The following CAST variants were observed in gnomAD, a reference collection of about 807,000 sequenced individuals.
CAST encodes MIR583 host.
A neutral mutation model predicts 119.6 loss-of-function variants in CAST; 76 were observed. The observed-to-expected ratio is 0.64, with a 90% CI of 0.53 to 0.77. The LOEUF (loss-of-function observed/expected upper bound fraction) is 0.77. Ranked by LOEUF, CAST falls within the 30% of genes least tolerant of loss-of-function variation. The pLI is 0.00. For missense variants in CAST, 953 were observed against 946.5 expected, an observed-to-expected ratio of 1.01 and a Z score of -0.09; for synonymous variants, 319 against 331.6, an observed-to-expected ratio of 0.96 and a Z score of 0.41.
chr5:95,971,996 G>C, the CAST span, among the ~76,000 whole-genome samples: 1 of 141,986 alleles, frequency 7.0e-6, no homozygotes, highest in Admixed American at 7.2e-5. Context: ...TCCCCCTGCT[G>C]TTACCCAGGC....
At chr5:96,219,733 A>C in the CAST span, among the ~76,000 whole-genome samples, 1 of 151,742 alleles carries the variant, frequency 6.6e-6, no homozygotes. Context: ...GAAAGCAAGA[A>C]AGGGAAGGAA....
chr5:96,373,285 C>T, the CAST span, among the ~76,000 whole-genome samples: 2 of 152,152 alleles, frequency 1.3e-5, no homozygotes, highest in African/African-American at 4.8e-5. Flanking sequence ...TGACAGAGGG[C>T]ACCAAGGGAT....
At position 96,774,293 on chromosome 5, in the gene CAST, A is replaced by C. The variant is rs1773520018; in HGVS notation, c.*1677A>C. The C allele has an allele frequency of 6.1e-6, 1 of 162,646 alleles. No individual in the cohort carries two copies. Among genetic ancestry groups the C allele is most frequent in the Non-Finnish European group, 1.3e-5 (1 of 76,390 alleles). 10.1% of individuals were successfully genotyped at this position (162,646 alleles called of 1,614,324 possible). A position where few individuals can be genotyped will look rare whatever the true frequency, so the allele number is the denominator to read the frequency against. ...TTTAAATGGCATACCAAAATCCAGA[A>C]GTTTAAAGATGCCTATAAAAGTAAA... On this transcript the variant is annotated 3_prime_UTR_variant, in exon 32 of 32. Transcript: ENST00000675179.
chr5:96,108,308 TAG>T, the CAST span, among the ~76,000 whole-genome samples: 2 of 152,244 alleles, frequency 1.3e-5, no homozygotes, highest in East Asian at 1.9e-4. Flanking sequence ...CTCTGCTTTT[TAG>T]AGTTTCCAGT....
the CAST span, among the ~76,000 whole-genome samples, chr5:96,470,286 C>G: frequency 2.6e-5 from 4 of 151,456 alleles, no homozygotes; most frequent in Admixed American, 1.3e-4. Flanking sequence ...TCTTTTATAT[C>G]GAAAAATATA....
rs1306579846 is a variant in CAST, at chr5:96,765,284, C to G, written c.1996C>G (p.Pro666Ala). ...CTCTGACAGTCTAGGACAAAGGCAG[C>G]CTGACCCAGATGAGAACAAACCAAT... is the stretch of plus-strand genomic sequence containing the variant. The part of the protein sequence containing the change: ...KLSDSLGQRQ[P>A]DPDENKPMED... The change falls in exon 26 of 32, where the codon CCT becomes GCT. Residue 666 changes from proline (P) to alanine (A), a missense_variant. Transcript: ENST00000675179. 6.3e-7 allele frequency: 1 copy of G among 1,586,204 alleles called. No individual in the cohort carries two copies. The highest frequency in any genetic ancestry group is 1.7e-5 in the Admixed American group (1 of 57,730).
rs200525964 is a variant in CAST, at chr5:96,697,292, C to CT, written c.210+1395dup. On this transcript the variant is annotated intron_variant, in intron 3 of 31. Coordinates refer to ENST00000675179, the MANE Select transcript of CAST (RefSeq NM_001750.7). Reference sequence around the variant, plus strand: ...TATCTATACAACTATTTAACGTAAGCTTTTTTTTTTCTTTAAAACTGGTGG... The same window carrying CT: ...TATCTATACAACTATTTAACGTAAGCTTTTTTTTTTTCTTTAAAACTGGTGG... Among the ~76,000 whole-genome samples the CT allele has an allele frequency of 2.5e-3, 376 of 149,910 alleles. 1 individual carries two copies. Among genetic ancestry groups the CT allele is most frequent in the Middle Eastern group, 0.014 (4 of 286 alleles).
the CAST span, among the ~76,000 whole-genome samples, chr5:95,974,754 A>T: frequency 6.6e-6 from 1 of 152,170 alleles, no homozygotes; most frequent in Non-Finnish European, 1.5e-5. Context: ...ATATTATTTT[A>T]AAAAGTTTGT....
chr5:96,410,929 C>T, the CAST span: 2 of 1,614,000 alleles, frequency 1.2e-6, no homozygotes, highest in Non-Finnish European at 1.7e-6. Flanking sequence ...CAATTATCTC[C>T]CTGACGCCCC....
chr5:96,068,976 T>C, the CAST span, among the ~76,000 whole-genome samples: 2 of 151,298 alleles, frequency 1.3e-5, no homozygotes, highest in African/African-American at 4.9e-5. Context: ...CGTGTATGTA[T>C]GTGTATATAC....
At chr5:96,051,715 C>G in the CAST span, among the ~76,000 whole-genome samples, 5 of 152,098 alleles carry the variant, frequency 3.3e-5, no homozygotes, top group African/African-American at 9.7e-5. Flanking sequence ...AGAAATCGAC[C>G]ACCCCTGTGT....
chr5:96,354,613 C>T, the CAST span, among the ~76,000 whole-genome samples: 1 of 150,990 alleles, frequency 6.6e-6, no homozygotes, highest in Non-Finnish European at 1.5e-5. Context: ...CTTTGAATAA[C>T]ATGTTTATAT....
the CAST span, among the ~76,000 whole-genome samples, chr5:96,159,959 G>GAAA: frequency 8.2e-6 from 1 of 122,664 alleles, no homozygotes; most frequent in Non-Finnish European, 1.7e-5. Context: ...GATGAAACCT[G>GAAA]TCTCTACTAA....
At chr5:96,493,249 G>A in the CAST span, among the ~76,000 whole-genome samples, 14 of 152,028 alleles carry the variant, frequency 9.2e-5, no homozygotes, top group African/African-American at 1.7e-4. Flanking sequence ...TTTTATATTC[G>A]TTTCATAACA....
rs569951747 is a variant in CAST at position 96,543,547 on chromosome 5, T to TA, written c.60+13673dup. Among the ~76,000 whole-genome samples the TA allele has an allele frequency of 3.5e-4, 54 of 152,276 alleles. No homozygotes were observed. The Middle Eastern group carries it at 0.024, about 67-fold the overall frequency. On this transcript the variant is annotated intron_variant, in intron 1 of 11. Coordinates refer to the CAST transcript ENST00000505143. Reference sequence around the variant, plus strand: ...ATGTACCCCGGAACTTAAAGTATAATAAAAAATAAATAAATAAAGTGTCTT... The same window carrying TA: ...ATGTACCCCGGAACTTAAAGTATAATAAAAAAATAAATAAATAAAGTGTCTT...
At chr5:95,980,596 A>C in the CAST span, 1 of 152,128 alleles carries the variant, frequency 6.6e-6, no homozygotes, top group Non-Finnish European at 1.5e-5. Context: ...CCCTCAACCT[A>C]TCATGGTGTT....
the CAST span, among the ~76,000 whole-genome samples, chr5:96,250,995 A>C: frequency 6.6e-6 from 1 of 152,150 alleles, no homozygotes; most frequent in Non-Finnish European, 1.5e-5. Flanking sequence ...AGAGGTACAG[A>C]GATACAAAGG....
chr5:95,977,722 T>C, the CAST span, among the ~76,000 whole-genome samples: 3 of 151,684 alleles, frequency 2.0e-5, no homozygotes, highest in African/African-American at 7.3e-5. Context: ...GTCATGGGGG[T>C]TTGTTGTACA....
the CAST span, among the ~76,000 whole-genome samples, chr5:96,030,393 G>A: frequency 6.6e-6 from 1 of 152,142 alleles, no homozygotes; most frequent in Non-Finnish European, 1.5e-5. Context: ...GTAGACCTAG[G>A]GAAATGCTTC....
Sources: allele counts gnomAD v4.1 joint callset (sites outside exome capture counted in the v4.1 genomes callset), GRCh38; gene constraint gnomAD v4.1.1; transcripts MANE v1.5; gene names NCBI Gene and HGNC (gene_info 2026-07-23, HGNC 2026-07-21).